KIF26B: variants seen among roughly 807,000 people sequenced by gnomAD.
KIF26B encodes the protein kinesin family member 26B.
Under a neutral mutation model 151.2 loss-of-function variants are expected in KIF26B, and 63 were observed. That is an observed-to-expected ratio of 0.42 (90% CI 0.34 to 0.51). The LOEUF is 0.51. Among genes scored for constraint, KIF26B ranks in the 20% least tolerant of loss-of-function variants. The pLI is 0.07. For synonymous variants in KIF26B, 1,357 were observed against 1,262.1 expected (o/e 1.08, Z -1.59); for missense variants, 2,813 against 2,913.6 (o/e 0.97, Z 0.79).
At position 245,688,727 on chromosome 1, in the gene KIF26B, A is replaced by G; in HGVS notation, c.5744A>G (p.Gln1915Arg). The G allele has an allele frequency of 6.2e-7, 1 of 1,609,136 alleles. No homozygotes were observed. Among genetic ancestry groups the G allele is most frequent in the Admixed American group, 1.7e-5 (1 of 59,810 alleles). ...GCCACCGGCAGCGCGTCCTCGGCGC[A>G]GGACTCCACGAGCGAGAACAGCAGC... ...SEATGSASSA[Q>R]DSTSENSSSV... Residue 1915 changes from glutamine to arginine, a missense_variant, in exon 12 of 15, where the codon CAG becomes CGG. Around this residue, in one of 3 missense-constraint regions of KIF26B, gnomAD observed 2,060 missense variants for 2,088.6 expected, o/e 0.99. Transcript: ENST00000407071.
intron 4 of KIF26B, among the ~76,000 whole-genome samples, chr1:245,424,928 C>T (rs540678972): frequency 2.8e-4 from 41 of 148,276 alleles, no homozygotes; most frequent in African/African-American, 1.0e-3. Flanking sequence ...CAGTACCTTC[C>T]CTTTTTTTTT....
At chr1:245,633,224 T>C (rs2043800155) in intron 9 of KIF26B, among the ~76,000 whole-genome samples, 1 of 152,040 alleles carries the variant, frequency 6.6e-6, no homozygotes, top group Non-Finnish European at 1.5e-5. Context: ...TCATTTTCAT[T>C]CTATGTGCAT....
intron 10 of KIF26B, among the ~76,000 whole-genome samples, chr1:245,679,094 T>A (rs749592698): frequency 6.6e-6 from 1 of 152,128 alleles, no homozygotes; most frequent in Non-Finnish European, 1.5e-5. Context: ...AAACTTCTTA[T>A]GCAAAGGAGC....
intron 3 of KIF26B, among the ~76,000 whole-genome samples, chr1:245,398,339 G>A (rs753787601): frequency 5.9e-5 from 9 of 152,186 alleles, no homozygotes; most frequent in Non-Finnish European, 8.8e-5. Context: ...TGCCTGCGAC[G>A]GAGGTGTAGG....
rs1038315339 is a variant in KIF26B at position 245,482,714 on chromosome 1, C to T, written c.1167-58053C>T. ...GTGGAGGTTCGATGAATACATTCCC[C>T]GCTTCCCTCCTACCCAGTGTGGCCT... is the stretch of plus-strand genomic sequence containing the variant. On this transcript the variant is annotated intron_variant, in intron 4 of 14. Transcript: ENST00000407071. 2.0e-5 allele frequency among the ~76,000 whole-genome samples: 3 copies of T among 151,736 alleles called. No individual in the cohort carries two copies. The East Asian group carries it at 5.8e-4, about 29-fold the overall frequency.
rs1464256757 is a variant in KIF26B, at chr1:245,218,044, G to C, written c.465+61361G>C. Among the ~76,000 whole-genome samples, 1 of 152,108 alleles carries C rather than the reference G, an allele frequency of 6.6e-6. No individual in the cohort carries two copies. The highest frequency in any genetic ancestry group is 1.5e-5 in the Non-Finnish European group (1 of 68,040). On this transcript the variant is annotated intron_variant, in intron 2 of 14. Coordinates refer to ENST00000407071, the MANE Select transcript of KIF26B (RefSeq NM_018012.4). This position sits in a 1 kb window ranked among gnomAD's most constrained non-coding sequence, Gnocchi z 4.1. ...CCCCCATGCGGTGACTCAGTATTTG[G>C]CCATTTTTCTTTATCCTTTTTGCCT...
At chr1:245,631,465 G>A (rs2043780604) in intron 9 of KIF26B, among the ~76,000 whole-genome samples, 1 of 152,086 alleles carries the variant, frequency 6.6e-6, no homozygotes, top group South Asian at 2.1e-4. Context: ...TGCATCCCTA[G>A]GATAAATCCC....
At chr1:245,487,101 G>GT (rs933211492) in intron 4 of KIF26B, among the ~76,000 whole-genome samples, 3 of 151,998 alleles carry the variant, frequency 2.0e-5, no homozygotes, top group African/African-American at 7.3e-5. Context: ...ATTGAGAATG[G>GT]GGGGGGTGGT....
In KIF26B at chr1:245,702,368, TGTG is replaced by T; in HGVS notation, c.6179-88_6179-86del. On this transcript the variant is annotated intron_variant, in intron 14 of 14. Transcript: ENST00000407071. The surrounding 1 kb of genome is among the most constrained non-coding windows in gnomAD (Gnocchi z 4.1). ...CTAGACCTTTAGACCAAGGGGTAGA[TGTG>T]GGGGTGGCAGCTCCAGGCTGAGCCG... is the stretch of plus-strand genomic sequence containing the variant. 7.0e-7 allele frequency: 1 copy of T among 1,418,838 alleles called. No homozygotes were observed. The highest frequency in any genetic ancestry group is 9.8e-7 in the Non-Finnish European group (1 of 1,017,278). The allele number at this position is 1,418,838 out of a possible 1,614,324, so 87.9% of individuals were successfully genotyped here.
intron 9 of KIF26B, among the ~76,000 whole-genome samples, chr1:245,638,364 T>C (rs2043856061): frequency 6.6e-6 from 1 of 151,982 alleles, no homozygotes; most frequent in Non-Finnish European, 1.5e-5. Flanking sequence ...ATTTATCAGT[T>C]CTAAAAGTTT....
At chr1:245,514,381 T>A (rs1275925832) in intron 4 of KIF26B, among the ~76,000 whole-genome samples, 1 of 151,952 alleles carries the variant, frequency 6.6e-6, no homozygotes, top group Non-Finnish European at 1.5e-5. Context: ...ACAAAAATGT[T>A]AGCCAGGCAT....
intron 3 of KIF26B, among the ~76,000 whole-genome samples, chr1:245,386,487 G>C (rs1470503320): frequency 6.6e-6 from 1 of 152,130 alleles, no homozygotes; most frequent in African/African-American, 2.4e-5. Context: ...GTCAGGGCTG[G>C]AGGGCTCCAG....
At chr1:245,461,372 C>T (rs914451070) in intron 4 of KIF26B, among the ~76,000 whole-genome samples, 4 of 151,996 alleles carry the variant, frequency 2.6e-5, no homozygotes, top group Middle Eastern at 6.8e-3. Context: ...GCCTTGACCT[C>T]CCAGGCCCAA....
intron 2 of KIF26B, among the ~76,000 whole-genome samples, chr1:245,361,835 T>A (rs1672825617): frequency 6.6e-6 from 1 of 152,194 alleles, no homozygotes. Context: ...GCTTGTGTCC[T>A]CTTTGCCAAT....
At chr1:245,192,345 AG>A (rs980204027) in intron 2 of KIF26B, among the ~76,000 whole-genome samples, 8 of 151,876 alleles carry the variant, frequency 5.3e-5, no homozygotes, top group Non-Finnish European at 1.2e-4. Context: ...AAAACTTCAC[AG>A]GAAAGAAAAA....
chr1:245,553,240 A>G (rs760563843), intron 5 of KIF26B, among the ~76,000 whole-genome samples: 5 of 152,184 alleles, frequency 3.3e-5, no homozygotes, highest in Non-Finnish European at 5.9e-5. Flanking sequence ...CCAGCATCAC[A>G]TGCCTGGTCT....
chr1:245,204,446 T>G (rs1669360051), intron 2 of KIF26B, among the ~76,000 whole-genome samples: 1 of 151,880 alleles, frequency 6.6e-6, no homozygotes. Context: ...CGATCTCGGC[T>G]CACCGCAACA....
Position 245,155,318 on chromosome 1 carries a change from A to G in KIF26B, c.-107A>G. ...CCACCGCTGAAGAAACCTTGCCCTG[A>G]GGGCTGAGAGCCAGCCCCCTGCAGC... On this transcript the variant is annotated 5_prime_UTR_variant, in exon 1 of 15. Coordinates refer to ENST00000407071, the MANE Select transcript of KIF26B (RefSeq NM_018012.4). The G allele has an allele frequency of 1.1e-6, 1 of 872,996 alleles. No individual in the cohort carries two copies. The highest frequency in any genetic ancestry group is 2.7e-5 in the East Asian group (1 of 37,258). 54.1% of individuals were successfully genotyped at this position (872,996 alleles called of 1,614,324 possible).
chr1:245,296,332 T>C (rs927591161), intron 2 of KIF26B, among the ~76,000 whole-genome samples: 1 of 152,078 alleles, frequency 6.6e-6, no homozygotes, highest in East Asian at 1.9e-4. Context: ...TGAAGAACCA[T>C]CTCACTGGCT....
Sources: gnomAD v4.1 joint callset for allele counts (sites outside exome capture counted in the v4.1 genomes callset) on GRCh38, gnomAD v4.1.1 for gene constraint, gnomAD v4.1.1 regional missense constraint, Gnocchi (gnomAD v3.1) non-coding constraint, MANE v1.5 for transcripts, NCBI Gene and HGNC (gene_info 2026-07-23, HGNC 2026-07-21) for gene names.